L3MBTL4: variants seen among roughly 807,000 people sequenced by gnomAD.
L3MBTL4 encodes lethal(3)malignant brain tumor-like protein 4.
L3MBTL4 carries 70 observed loss-of-function variants against 84.5 expected under a neutral mutation model. The ratio of observed to expected loss-of-function variants is 0.83; its 90% CI spans 0.68 to 1.01. The LOEUF is 1.01. L3MBTL4 is among the 50% of genes least tolerant of loss of function. The pLI is 0.00. For synonymous variants in L3MBTL4, 274 were observed against 259.8 expected (o/e 1.05, Z -0.52); for missense variants, 715 against 754.8 (o/e 0.95, Z 0.62).
chr18:6,294,166 G>GA (rs945671968), intron 4 of L3MBTL4, among the ~76,000 whole-genome samples: 13 of 151,038 alleles, frequency 8.6e-5, no homozygotes, highest in Non-Finnish European at 1.8e-4. Context: ...TAATTCAGGA[G>GA]AAAAAAAAAT....
intron 3 of L3MBTL4, among the ~76,000 whole-genome samples, chr18:6,306,020 C>A (rs969304546): frequency 6.6e-6 from 1 of 152,164 alleles, no homozygotes; most frequent in Non-Finnish European, 1.5e-5. Flanking sequence ...TTTCTGAGAA[C>A]CCTGCTGTTC....
intron 1 of L3MBTL4, among the ~76,000 whole-genome samples, chr18:6,411,514 A>G (rs2055962317): frequency 6.6e-6 from 1 of 151,984 alleles, no homozygotes; most frequent in Admixed American, 6.6e-5. Flanking sequence ...CTCAGCGCCT[A>G]TTTTTTATTA....
intron 16 of L3MBTL4, among the ~76,000 whole-genome samples, chr18:6,069,170 G>C (rs1206836493): frequency 1.3e-5 from 2 of 152,200 alleles, no homozygotes; most frequent in Non-Finnish European, 2.9e-5. Flanking sequence ...TAGTGTGCTG[G>C]ATTTCTCAAA....
intron 13 of L3MBTL4, among the ~76,000 whole-genome samples, chr18:6,141,104 C>T (rs970600343): frequency 6.7e-6 from 1 of 149,258 alleles, no homozygotes; most frequent in Non-Finnish European, 1.5e-5. Flanking sequence ...TAAGTGCTTG[C>T]GGAATAAGTA....
At chr18:6,186,184 T>C (rs2044752017) in intron 12 of L3MBTL4, among the ~76,000 whole-genome samples, 1 of 151,566 alleles carries the variant, frequency 6.6e-6, no homozygotes, top group African/African-American at 2.4e-5. Context: ...GGCTGATTTT[T>C]GTATTTAGTA....
rs368641916 is a variant in L3MBTL4 at position 6,363,133 on chromosome 18, AAAG to A, written c.-90-51080_-90-51078del. On this transcript the variant is annotated intron_variant, in intron 1 of 18. Coordinates refer to ENST00000317931, the MANE Select transcript of L3MBTL4 (RefSeq NM_001330559.2). The stretch of plus-strand genomic sequence containing the variant: ...GACATTCTTCTATTCCTAGTGGGAA[AAAG>A]AAGGAGAGAAAAATCGCCAAAAAAC... Among the ~76,000 whole-genome samples, 152 of 152,348 alleles carry A rather than the reference AAAG, an allele frequency of 1.0e-3. 4 individuals are homozygous for A. In the South Asian group the frequency reaches 0.025, roughly 25 times the overall value.
At chr18:6,401,728 A>G (rs1047579686) in intron 1 of L3MBTL4, among the ~76,000 whole-genome samples, 2 of 152,224 alleles carry the variant, frequency 1.3e-5, no homozygotes, top group African/African-American at 2.4e-5. Context: ...CGGCTCTAAT[A>G]TTTGAAAAGC....
At chr18:6,046,535 A>G (rs1175574739) in intron 16 of L3MBTL4, among the ~76,000 whole-genome samples, 1 of 152,208 alleles carries the variant, frequency 6.6e-6, no homozygotes, top group African/African-American at 2.4e-5. Context: ...ATTAAAAAAA[A>G]TTAGTAATCA....
chr18:6,051,297 C>T (rs536224025), intron 16 of L3MBTL4, among the ~76,000 whole-genome samples: 26 of 152,246 alleles, frequency 1.7e-4, no homozygotes, highest in Non-Finnish European at 2.9e-4. Context: ...CCAGCACTTT[C>T]GGAGGCTGTG....
chr18:6,225,674 T>C (rs149023311), intron 10 of L3MBTL4, among the ~76,000 whole-genome samples: 475 of 149,172 alleles, frequency 3.2e-3, no homozygotes, highest in African/African-American at 0.011. Flanking sequence ...GTGGGAGAAG[T>C]GCCTGAGCCT....
chr18:6,254,378 G>T (rs965214129), intron 5 of L3MBTL4, among the ~76,000 whole-genome samples: 3 of 149,688 alleles, frequency 2.0e-5, no homozygotes, highest in African/African-American at 7.4e-5. Flanking sequence ...AAGCAGCAAG[G>T]CATGCTTCAA....
At chr18:6,158,521 A>T (rs1293538401) in intron 13 of L3MBTL4, among the ~76,000 whole-genome samples, 1 of 152,166 alleles carries the variant, frequency 6.6e-6, no homozygotes, top group Non-Finnish European at 1.5e-5. Context: ...CTTAAGGAAG[A>T]CAAGGAGGCA....
chr18:6,115,323 T>C (rs1375796293), intron 14 of L3MBTL4, among the ~76,000 whole-genome samples: 1 of 152,146 alleles, frequency 6.6e-6, no homozygotes, highest in Non-Finnish European at 1.5e-5. Flanking sequence ...AGAATGGGCA[T>C]GAACTAAAGC....
intron 16 of L3MBTL4, among the ~76,000 whole-genome samples, chr18:6,074,188 G>T (rs2057784344): frequency 6.6e-6 from 1 of 152,136 alleles, no homozygotes; most frequent in East Asian, 1.9e-4. Flanking sequence ...AAGTTCCCTG[G>T]CCGCACGTCT....
chr18:6,385,406 G>C lies in L3MBTL4; in HGVS notation c.-91+29395C>G, dbSNP rs139599908. ...GACAGAGCGAGACCCTGTCTCAAAAGTAAATAAATAATACATTAAAATTAA... is the reference window on the plus strand; with the variant it reads ...GACAGAGCGAGACCCTGTCTCAAAACTAAATAAATAATACATTAAAATTAA... On this transcript the variant is annotated intron_variant, in intron 1 of 18. Transcript: ENST00000317931. 6.3e-3 allele frequency among the ~76,000 whole-genome samples: 955 copies of C among 152,136 alleles called. 7 individuals are homozygous for C. The highest frequency in any genetic ancestry group is 0.01 in the Middle Eastern group (3 of 294).
intron 1 of L3MBTL4, among the ~76,000 whole-genome samples, chr18:6,343,181 TC>T (rs2052695291): frequency 6.6e-6 from 1 of 152,122 alleles, no homozygotes; most frequent in Non-Finnish European, 1.5e-5. Flanking sequence ...AACCCCTACT[TC>T]CTCCAGACAG....
At chr18:6,129,046 G>A (rs896613431) in intron 14 of L3MBTL4, among the ~76,000 whole-genome samples, 8 of 152,090 alleles carry the variant, frequency 5.3e-5, no homozygotes, top group African/African-American at 1.7e-4. Context: ...GAGGAAATGG[G>A]AAAGGCTACT....
At chr18:5,972,141 T>C (rs1053923678) in intron 16 of L3MBTL4, among the ~76,000 whole-genome samples, 2 of 151,646 alleles carry the variant, frequency 1.3e-5, no homozygotes, top group African/African-American at 4.9e-5. Flanking sequence ...GGGTTCAGAG[T>C]TTTCACTAGG....
rs7229905 is a variant in L3MBTL4, at chr18:6,159,229, G to A, written c.1096+12599C>T. On this transcript the variant is annotated intron_variant, in intron 13 of 18. Transcript: ENST00000317931. ...TTCCATAGGCCTCGCCCCAGGTTGG[G>A]ACCTCTCACTGGCTGGGTTACCCAC... Among the ~76,000 whole-genome samples, 1,481 of 152,294 alleles carry A rather than the reference G, an allele frequency of 9.7e-3. 23 individuals carry two copies. Among genetic ancestry groups the A allele is most frequent in the African/African-American group, 0.033 (1,378 of 41,560 alleles).
Sources: allele counts gnomAD v4.1 joint callset (sites outside exome capture counted in the v4.1 genomes callset), GRCh38; gene constraint gnomAD v4.1.1; transcripts MANE v1.5; gene names NCBI Gene and HGNC (gene_info 2026-07-23, HGNC 2026-07-21).